The following MGAT4C variants were observed in gnomAD, a reference collection of about 807,000 sequenced individuals.
MGAT4C encodes MGAT4 family member C, also known as alpha-1,3-mannosyl-glycoprotein 4-beta-N-acetylglucosaminyltransferase C.
In MGAT4C, 19 loss-of-function variants were observed where a neutral mutation model predicts 40.1. The ratio of observed to expected loss-of-function variants is 0.47; its 90% CI spans 0.33 to 0.70. The LOEUF (loss-of-function observed/expected upper bound fraction) is 0.70. Among genes scored for constraint, MGAT4C ranks in the 30% least tolerant of loss-of-function variants. MGAT4C has a pLI of 0.02. For missense variants in MGAT4C, 491 were observed against 563.2 expected, an observed-to-expected ratio of 0.87 and a Z score of 1.30; for synonymous variants, 181 against 187.1, an observed-to-expected ratio of 0.97 and a Z score of 0.27.
chr12:86,777,161 T>A (rs1328624125), intron 1 of MGAT4C, among the ~76,000 whole-genome samples: 2 of 152,208 alleles, frequency 1.3e-5, no homozygotes, highest in Non-Finnish European at 2.9e-5. Context: ...ATGTATTTTT[T>A]AAATCAACAG....
intron 1 of MGAT4C, among the ~76,000 whole-genome samples, chr12:86,208,425 C>T (rs1026481774): frequency 3.3e-5 from 5 of 152,164 alleles, no homozygotes; most frequent in African/African-American, 1.2e-4. Context: ...TGAGATGGCA[C>T]CACTGCACCC....
intron 2 of MGAT4C, among the ~76,000 whole-genome samples, chr12:86,656,816 TAAC>T (rs775610936): frequency 2.1e-4 from 32 of 152,168 alleles, no homozygotes; most frequent in Non-Finnish European, 3.7e-4. Flanking sequence ...AGAATTTAAC[TAAC>T]ACATTTCTAA....
At chr12:86,432,363 T>C (rs1957057863) in intron 3 of MGAT4C, among the ~76,000 whole-genome samples, 1 of 152,040 alleles carries the variant, frequency 6.6e-6, no homozygotes, top group Non-Finnish European at 1.5e-5. Context: ...GAGAGGGATG[T>C]GTAGTCCCAG....
chr12:86,026,087 C>A (rs979749131), intron 2 of MGAT4C, among the ~76,000 whole-genome samples: 1 of 151,544 alleles, frequency 6.6e-6, no homozygotes, highest in Non-Finnish European at 1.5e-5. Flanking sequence ...TTGCTAACAC[C>A]GAAATTTTTA....
chr12:86,319,307 T>C (rs961756174), intron 4 of MGAT4C, among the ~76,000 whole-genome samples: 6 of 152,182 alleles, frequency 3.9e-5, no homozygotes, highest in African/African-American at 1.4e-4. Flanking sequence ...TATAAGGCTC[T>C]TCATGATGTG....
At chr12:86,140,058 C>A (rs1882610110) in intron 1 of MGAT4C, among the ~76,000 whole-genome samples, 1 of 152,148 alleles carries the variant, frequency 6.6e-6, no homozygotes, top group African/African-American at 2.4e-5. Context: ...TTATATCATT[C>A]TTCTTGCCTT....
intron 3 of MGAT4C, among the ~76,000 whole-genome samples, chr12:86,399,827 G>T (rs1565733430): frequency 1.3e-5 from 2 of 152,102 alleles, no homozygotes; most frequent in Non-Finnish European, 2.9e-5. Context: ...AACTTCACCT[G>T]GCTGATTATT....
intron 3 of MGAT4C, among the ~76,000 whole-genome samples, chr12:86,393,135 T>C (rs1226096714): frequency 6.6e-6 from 1 of 152,196 alleles, no homozygotes; most frequent in Non-Finnish European, 1.5e-5. Context: ...TAACTTTGGA[T>C]TTCTTATAAT....
chr12:86,009,763 A>G (rs943122964), intron 2 of MGAT4C, among the ~76,000 whole-genome samples: 19 of 152,186 alleles, frequency 1.2e-4, no homozygotes, highest in Admixed American at 5.2e-4. Context: ...TTTTGCCTAC[A>G]CATTCTTTCC....
At chr12:86,259,178 A>T (rs954550287), upstream of MGAT4C, among the ~76,000 whole-genome samples, 6 of 152,080 alleles carry the variant, frequency 3.9e-5, no homozygotes, top group South Asian at 2.1e-4. Flanking sequence ...AATTTATAAA[A>T]TTTTTTTGTG....
At chr12:86,618,732 TTAGA>T (rs1475300041) in intron 2 of MGAT4C, among the ~76,000 whole-genome samples, 1 of 151,800 alleles carries the variant, frequency 6.6e-6, no homozygotes, top group Non-Finnish European at 1.5e-5. Flanking sequence ...AAACATACAG[TTAGA>T]TAGAATAAGT....
At chr12:86,066,733 T>C (rs1894581845) in intron 1 of MGAT4C, among the ~76,000 whole-genome samples, 2 of 152,006 alleles carry the variant, frequency 1.3e-5, no homozygotes, top group Non-Finnish European at 2.9e-5. Flanking sequence ...ACGAAAGAGT[T>C]TCTGCACAGC....
chr12:86,011,844 A>G (rs767933333), intron 2 of MGAT4C: 31 of 985,178 alleles, frequency 3.1e-5, no homozygotes, highest in East Asian at 1.1e-4. Flanking sequence ...TTTGGTCTCA[A>G]ATTTGCAACC....
intron 2 of MGAT4C, among the ~76,000 whole-genome samples, chr12:86,553,788 T>C (rs546478120): frequency 6.6e-6 from 1 of 152,296 alleles, no homozygotes; most frequent in South Asian, 2.1e-4. Context: ...AAATTGTAAT[T>C]GGAAGCTTGA....
At chr12:86,335,152 A>C (rs1399644609) in intron 3 of MGAT4C, among the ~76,000 whole-genome samples, 2 of 152,106 alleles carry the variant, frequency 1.3e-5, no homozygotes, top group Non-Finnish European at 2.9e-5. Flanking sequence ...ACAAATATAA[A>C]TGTAGATCAG....
At chr12:85,999,939 T>C (rs986860552) in intron 2 of MGAT4C, among the ~76,000 whole-genome samples, 1 of 152,152 alleles carries the variant, frequency 6.6e-6, no homozygotes, top group Non-Finnish European at 1.5e-5. Context: ...TCTTGCAGTC[T>C]ATTACACATT....
At chr12:86,017,238 A>AC in intron 2 of MGAT4C, among the ~76,000 whole-genome samples, 1 of 152,148 alleles carries the variant, frequency 6.6e-6, no homozygotes, top group African/African-American at 2.4e-5. Context: ...ACATTGCAGG[A>AC]ATCTCGAACT....
At position 86,782,244 on chromosome 12, in the gene MGAT4C, G is replaced by C. The variant is rs1229953160; in HGVS notation, c.-261-55003C>G. Among the ~76,000 whole-genome samples, 123 of 117,680 alleles carry C rather than the reference G, an allele frequency of 1.0e-3. 1 individual carries two copies. The highest frequency in any genetic ancestry group is 3.7e-3 in the African/African-American group (117 of 31,916). The allele number at this position is 117,680 out of a possible 152,430, so 77.2% of individuals were successfully genotyped here. ...TCGCCCAGGCTGGAGTGCAGTGGCG[G>C]GATCTCGGCTCACTGCAAGCTCCGC... On this transcript the variant is annotated intron_variant, in intron 1 of 7. Transcript: ENST00000548651.
At chr12:86,265,603 T>G (rs1952766016) in intron 4 of MGAT4C, among the ~76,000 whole-genome samples, 1 of 152,188 alleles carries the variant, frequency 6.6e-6, no homozygotes, top group Non-Finnish European at 1.5e-5. Context: ...ACCTCCAGGT[T>G]TTTTCCTTTT....
Sources: allele counts gnomAD v4.1 joint callset (sites outside exome capture counted in the v4.1 genomes callset), GRCh38; gene constraint gnomAD v4.1.1; transcripts MANE v1.5; gene names NCBI Gene and HGNC (gene_info 2026-07-23, HGNC 2026-07-21).